AMMECR1: variants seen among roughly 807,000 people sequenced by gnomAD.
AMMECR1 encodes nuclear protein AMMECR1.
In AMMECR1, 3 loss-of-function variants were observed where a neutral mutation model predicts 22.5. The observed-to-expected ratio is 0.13, with a 90% CI of 0.06 to 0.35. The LOEUF is 0.35. Among genes scored for constraint, AMMECR1 ranks in the 10% least tolerant of loss-of-function variants. AMMECR1 has a pLI of 1.00. For synonymous variants in AMMECR1, 130 were observed against 116.7 expected, an observed-to-expected ratio of 1.11 and a Z score of -0.74; for missense variants, 235 against 278.7, an observed-to-expected ratio of 0.84 and a Z score of 1.12.
At chrX:110,235,156 G>A (rs1055098625) in intron 2 of AMMECR1, among the ~76,000 whole-genome samples, 8 of 111,537 alleles carry the variant, frequency 7.2e-5, no homozygotes, top group Non-Finnish European at 1.5e-4. Flanking sequence ...CCACCCTGTC[G>A]AAGGGTGGGC....
chrX:110,203,089 C>T (rs2067405015), intron 3 of AMMECR1, among the ~76,000 whole-genome samples: 1 of 112,231 alleles, frequency 8.9e-6, no homozygotes, highest in South Asian at 3.7e-4. Flanking sequence ...TACATCATCA[C>T]CCAGTGTAGA....
chrX:110,232,501 G>T (rs1190315060), intron 2 of AMMECR1, among the ~76,000 whole-genome samples: 2 of 111,411 alleles, frequency 1.8e-5, no homozygotes, highest in Non-Finnish European at 3.8e-5. Context: ...GGAATCTCTG[G>T]GACACATTTA....
chrX:110,344,664 C>T (rs2068180632), intron 2 of AMMECR1, among the ~76,000 whole-genome samples: 1 of 111,036 alleles, frequency 9.0e-6, no homozygotes, highest in Non-Finnish European at 1.9e-5. Context: ...AACAAACAAC[C>T]CCATCAAAAA....
intron 2 of AMMECR1, among the ~76,000 whole-genome samples, chrX:110,234,807 T>C (rs1314004383): frequency 8.9e-6 from 1 of 111,835 alleles, no homozygotes; most frequent in Non-Finnish European, 1.9e-5. Flanking sequence ...ATCCCTTCCT[T>C]ACACCTTATA....
intron 2 of AMMECR1, among the ~76,000 whole-genome samples, chrX:110,406,334 C>T (rs1228528127): frequency 1.8e-5 from 2 of 109,305 alleles, no homozygotes; most frequent in African/African-American, 6.7e-5. Flanking sequence ...TCAACTCCCA[C>T]TTATGAGTGA....
At chrX:110,231,955 A>G (rs1304944004) in intron 2 of AMMECR1, among the ~76,000 whole-genome samples, 2 of 112,004 alleles carry the variant, frequency 1.8e-5, no homozygotes, top group Admixed American at 9.4e-5. Flanking sequence ...CAATGCAACA[A>G]GAAGAGCTAA....
At chrX:110,293,339 G>T (rs778432774) in intron 1 of AMMECR1, among the ~76,000 whole-genome samples, 1 of 111,727 alleles carries the variant, frequency 9.0e-6, no homozygotes, top group East Asian at 2.8e-4. Context: ...CCTGTCAGAA[G>T]ATTTTAAAGT....
At chrX:110,228,390 A>G (rs780728986) in intron 2 of AMMECR1, among the ~76,000 whole-genome samples, 2 of 111,518 alleles carry the variant, frequency 1.8e-5, no homozygotes, top group South Asian at 7.6e-4. Flanking sequence ...TACATCCTTC[A>G]TTTGATTTTG....
rs146542835 is a variant in AMMECR1, at chrX:110,386,848, A to C, written c.-148+39810T>G. Among the ~76,000 whole-genome samples the C allele has an allele frequency of 2.2e-4, 25 of 112,408 alleles. No individual in the cohort carries two copies. The East Asian group carries it at 6.9e-3, about 31-fold the overall frequency. The stretch of plus-strand genomic sequence containing the variant: ...TGTGGGGGAATAAGACCTAACCTCT[A>C]TTCTCAAAGAGCTTCATAACACAGA... On this transcript the variant is annotated intron_variant, in intron 2 of 7. Transcript: ENST00000372057.
chrX:110,345,501 A>ATAT (rs1187439720), intron 2 of AMMECR1, among the ~76,000 whole-genome samples: 1 of 107,232 alleles, frequency 9.3e-6, no homozygotes, highest in African/African-American at 3.4e-5. Context: ...TAATAAAAAA[A>ATAT]ATATATATAT....
chrX:110,330,072 C>T (rs1311164360), intron 2 of AMMECR1, among the ~76,000 whole-genome samples: 2 of 111,452 alleles, frequency 1.8e-5, no homozygotes, highest in Non-Finnish European at 3.8e-5. Flanking sequence ...GATTTTCAGC[C>T]TCAGCTGGGC....
At chrX:110,298,825 G>T (rs1416479697) in intron 1 of AMMECR1, among the ~76,000 whole-genome samples, 1 of 111,283 alleles carries the variant, frequency 9.0e-6, no homozygotes, top group African/African-American at 3.3e-5. Context: ...CAATTATGTG[G>T]AGTTCAATGT....
At chrX:110,411,699 G>A (rs2068643021) in intron 2 of AMMECR1, among the ~76,000 whole-genome samples, 1 of 112,312 alleles carries the variant, frequency 8.9e-6, no homozygotes. Context: ...AACATAGAAG[G>A]AAGACAATGG....
chrX:110,213,897 G>A, intron 3 of AMMECR1, among the ~76,000 whole-genome samples: 1 of 110,640 alleles, frequency 9.0e-6, no homozygotes, highest in African/African-American at 3.3e-5. Flanking sequence ...GAAAAGGATG[G>A]GCTTTTCCTC....
At chrX:110,321,771 A>G (rs903775147), upstream of AMMECR1, among the ~76,000 whole-genome samples, 5 of 111,566 alleles carry the variant, frequency 4.5e-5, no homozygotes, top group African/African-American at 1.6e-4. Context: ...TTTATGCCCA[A>G]ACAAGTGTTA....
rs891488265 is a variant in AMMECR1, at chrX:110,433,052, G to A, written c.-293-6249C>T. ...CATCCCCAGCAGAGCACTGCCAAGA[G>A]GGCTGCTCCCGGGTGGCTCCAGCTG... is the stretch of plus-strand genomic sequence containing the variant. On this transcript the variant is annotated intron_variant, in intron 1 of 7. Coordinates refer to the AMMECR1 transcript ENST00000372057. Among the ~76,000 whole-genome samples, 7 of 112,643 alleles carry A rather than the reference G, an allele frequency of 6.2e-5. No homozygotes were observed. The South Asian group carries it at 1.1e-3, about 18-fold the overall frequency.
intron 1 of AMMECR1, among the ~76,000 whole-genome samples, chrX:110,294,600 AT>A (rs1279090067): frequency 8.9e-6 from 1 of 111,869 alleles, no homozygotes; most frequent in East Asian, 2.8e-4. Context: ...GCTTTTATTC[AT>A]TTGGTTTGCC....
chrX:110,274,091 C>CA (rs2067813313), intron 1 of AMMECR1, among the ~76,000 whole-genome samples: 1 of 111,861 alleles, frequency 8.9e-6, no homozygotes, highest in African/African-American at 3.3e-5. Context: ...GTCATTTTAA[C>CA]AATATTGATT....
intron 2 of AMMECR1, among the ~76,000 whole-genome samples, chrX:110,328,465 C>CTT (rs776105456): frequency 2.3e-4 from 17 of 73,313 alleles, no homozygotes; most frequent in Non-Finnish European, 4.1e-4. Context: ...ATGTTTGACT[C>CTT]TTTTTTTTTT....
Sources: gnomAD v4.1 joint callset for allele counts (sites outside exome capture counted in the v4.1 genomes callset) on GRCh38, gnomAD v4.1.1 for gene constraint, MANE v1.5 for transcripts, NCBI Gene and HGNC (gene_info 2026-07-23, HGNC 2026-07-21) for gene names.